The following PARG variants were observed in gnomAD, a reference collection of about 807,000 sequenced individuals.
PARG encodes poly(ADP-ribose) glycohydrolase.
In PARG, 35 loss-of-function variants were observed where a neutral mutation model predicts 113.0. The ratio of observed to expected loss-of-function variants is 0.31; its 90% CI spans 0.24 to 0.41. PARG has a LOEUF of 0.41. Among genes scored for constraint, PARG ranks in the 10% least tolerant of loss-of-function variants. The pLI is 1.00. For missense variants in PARG, 797 were observed against 1,169.4 expected (o/e 0.68, Z 4.64); for synonymous variants, 330 against 409.9 (o/e 0.81, Z 2.36).
At chr10:49,931,751 T>A (rs1331319704) in intron 4 of PARG, among the ~76,000 whole-genome samples, 98 of 132,748 alleles carry the variant, frequency 7.4e-4, no homozygotes, top group Non-Finnish European at 1.3e-3. Flanking sequence ...CACTAAACCA[T>A]ACGTAATTTT....
intron 7 of PARG, among the ~76,000 whole-genome samples, chr10:49,894,488 T>C (rs1554842268): frequency 6.6e-6 from 1 of 152,202 alleles, no homozygotes; most frequent in East Asian, 1.9e-4. Context: ...ACAAAGATGT[T>C]TTCCTCTAGA....
rs1418569251 is a variant in PARG, at chr10:49,890,205, C to G, written c.1738-4910G>C. Among the ~76,000 whole-genome samples the G allele has an allele frequency of 2.0e-5, 3 of 152,198 alleles. No homozygotes were observed. The East Asian group carries it at 5.8e-4, about 29-fold the overall frequency. ...ATTCTCCCACAAGTAAAACCCTGCC[C>G]TCTACTGGATAGTCTGCATAGATAA... On this transcript the variant is annotated intron_variant, in intron 7 of 17. Transcript: ENST00000616448.
intron 16 of PARG, among the ~76,000 whole-genome samples, chr10:49,824,114 C>CA (rs1554829106): frequency 1.3e-5 from 2 of 152,182 alleles, no homozygotes; most frequent in Non-Finnish European, 2.9e-5. Flanking sequence ...AAGATTCTGT[C>CA]AGAGTTTAGA....
chr10:49,865,850 A>C (rs2132561113), intron 10 of PARG, among the ~76,000 whole-genome samples: 1 of 151,370 alleles, frequency 6.6e-6, no homozygotes, highest in Non-Finnish European at 1.5e-5. Context: ...ATAAATACAC[A>C]TTTATGTACT....
intron 8 of PARG, among the ~76,000 whole-genome samples, chr10:49,882,158 G>C (rs1280970238): frequency 1.3e-5 from 2 of 151,192 alleles, no homozygotes; most frequent in Non-Finnish European, 2.9e-5. Context: ...TCTTGGTGAG[G>C]AGAAATGCCT....
chr10:49,897,693 A>T (rs1848155871), intron 7 of PARG, among the ~76,000 whole-genome samples: 1 of 152,204 alleles, frequency 6.6e-6, no homozygotes, highest in Non-Finnish European at 1.5e-5. Context: ...TCCAAGAAAT[A>T]AGCAATTTGT....
rs1554849483 is a variant in PARG, at chr10:49,922,346, T to C, written c.1652A>G (p.Gln551Arg). 1 of 1,601,486 alleles carries C rather than the reference T, an allele frequency of 6.2e-7. No individual in the cohort carries two copies. Among genetic ancestry groups the C allele is most frequent in the Admixed American group, 1.7e-5 (1 of 58,634 alleles). Residue 551 changes from glutamine (Q) to arginine (R), a missense_variant, in exon 6 of 18, where the codon CAA becomes CGA. By Grantham distance (43) the Gln-to-Arg change is conservative. Around this residue, in one of 5 missense-constraint regions of PARG, gnomAD observed 252 missense variants for 437.4 expected, o/e 0.58. Transcript: ENST00000616448. ...TALLNKFTRP[Q>R]NLKDAILKYN... ...GTAAAAACAACATACCTTCAAGTTT[T>C]GGGGTCGTGTAAATTTGTTGAGAAG... is the stretch of plus-strand genomic sequence containing the variant.
At chr10:49,933,143 T>C (rs1838571990) in intron 3 of PARG, 34 bp downstream of exon 3, 5 of 1,425,776 alleles carry the variant, frequency 3.5e-6, no homozygotes, top group African/African-American at 1.4e-5. Flanking sequence ...AAGCATATTA[T>C]GCTATTGGAG....
At chr10:49,915,169 T>A (rs1452831600) in intron 7 of PARG, among the ~76,000 whole-genome samples, 1 of 148,598 alleles carries the variant, frequency 6.7e-6, no homozygotes, top group African/African-American at 2.5e-5. Flanking sequence ...AGCTTCAAAG[T>A]GTAACATCAA....
chr10:49,896,421 A>T (rs1378790734), intron 7 of PARG, among the ~76,000 whole-genome samples: 2 of 152,116 alleles, frequency 1.3e-5, no homozygotes, highest in African/African-American at 2.4e-5. Context: ...AGTAGCTGGG[A>T]CTACAGGTGC....
intron 7 of PARG, among the ~76,000 whole-genome samples, chr10:49,904,343 T>C (rs1554844281): frequency 1.3e-5 from 2 of 150,648 alleles, no homozygotes; most frequent in African/African-American, 4.9e-5. Flanking sequence ...GCATATAACC[T>C]GCATTAAGTG....
At chr10:49,834,850 C>T (rs1554830835) in intron 15 of PARG, among the ~76,000 whole-genome samples, 2 of 151,548 alleles carry the variant, frequency 1.3e-5, no homozygotes, top group African/African-American at 4.8e-5. Context: ...CCCCTGCCAC[C>T]AAAAAATATT....
Position 49,861,676 on chromosome 10 carries a change from A to C in PARG, c.2130-13T>G, listed in dbSNP as rs1554835998. 1.2e-6 allele frequency: 1 copy of C among 857,740 alleles called. No individual in the cohort carries two copies. Among genetic ancestry groups the C allele is most frequent in the African/African-American group, 1.7e-5 (1 of 59,518 alleles). 53.1% of individuals were successfully genotyped at this position (857,740 alleles called of 1,614,324 possible). ...GGGTTTTTCACATCTACAATATAAA[A>C]AGACATTCCCTTATTTATTATTTTA... On this transcript the variant is annotated splice_polypyrimidine_tract_variant and intron_variant, in intron 11 of 17. Transcript: ENST00000616448.
intron 7 of PARG, among the ~76,000 whole-genome samples, chr10:49,899,247 A>G (rs573673041): frequency 2.0e-5 from 3 of 152,362 alleles, no homozygotes; most frequent in Admixed American, 6.5e-5. Context: ...ACAAGCTCAC[A>G]TTTCAAAAAT....
At chr10:49,937,423 C>T (rs1347792518) in intron 1 of PARG, among the ~76,000 whole-genome samples, 4 of 150,334 alleles carry the variant, frequency 2.7e-5, no homozygotes, top group African/African-American at 7.3e-5. Flanking sequence ...TTGCAGTGAG[C>T]GGAGATCGCG....
chr10:49,874,771 G>A (rs1253150340), intron 9 of PARG, among the ~76,000 whole-genome samples: 1 of 149,716 alleles, frequency 6.7e-6, no homozygotes, highest in Non-Finnish European at 1.5e-5. Context: ...GGAGATTGGT[G>A]TGAACCCGGG....
chr10:49,859,713 T>C (rs1205951977), intron 12 of PARG, among the ~76,000 whole-genome samples: 12 of 152,314 alleles, frequency 7.9e-5, no homozygotes, highest in Middle Eastern at 3.4e-3. Flanking sequence ...GTGTATGTTA[T>C]TGTTTACTCT....
intron 13 of PARG, among the ~76,000 whole-genome samples, chr10:49,853,116 C>T (rs1463713117): frequency 1.4e-5 from 2 of 147,774 alleles, no homozygotes; most frequent in Non-Finnish European, 3.0e-5. Flanking sequence ...TCACTGCAAG[C>T]TCCGCCTCCT....
At chr10:49,920,621 T>C (rs1554849066) in intron 6 of PARG, among the ~76,000 whole-genome samples, 1 of 147,182 alleles carries the variant, frequency 6.8e-6, no homozygotes, top group African/African-American at 2.5e-5. Flanking sequence ...TATACGTATA[T>C]ATATACATGT....
Sources: allele counts gnomAD v4.1 joint callset (sites outside exome capture counted in the v4.1 genomes callset), GRCh38; gene constraint gnomAD v4.1.1; regional missense constraint gnomAD v4.1.1; transcripts MANE v1.5; gene names NCBI Gene and HGNC (gene_info 2026-07-23, HGNC 2026-07-21).